TMEM163: variants seen among roughly 807,000 people sequenced by gnomAD.
TMEM163 encodes the protein transmembrane protein 163.
Under a neutral mutation model 29.3 loss-of-function variants are expected in TMEM163, and 17 were observed. That is an observed-to-expected ratio of 0.58 (90% CI 0.40 to 0.87). The LOEUF (loss-of-function observed/expected upper bound fraction) is 0.87. Ranked by LOEUF, TMEM163 falls within the 40% of genes least tolerant of loss-of-function variation. The pLI is 0.00. For synonymous variants in TMEM163, 157 were observed against 160.6 expected (o/e 0.98, Z 0.17); for missense variants, 303 against 381.5 (o/e 0.79, Z 1.71).
At chr2:134,513,065 T>A (rs981553171) in intron 4 of TMEM163, among the ~76,000 whole-genome samples, 1 of 152,220 alleles carries the variant, frequency 6.6e-6, no homozygotes, top group Non-Finnish European at 1.5e-5. Flanking sequence ...TTTCTGATTC[T>A]GAGTTTTGGT....
intron 2 of TMEM163, among the ~76,000 whole-genome samples, chr2:134,598,974 G>C (rs545435132): frequency 2.2e-4 from 31 of 143,666 alleles, no homozygotes; most frequent in Middle Eastern, 3.7e-3. Flanking sequence ...TCTATGGATT[G>C]GATTAAATGC....
At chr2:134,526,608 C>T (rs1375842092) in intron 4 of TMEM163, among the ~76,000 whole-genome samples, 2 of 152,194 alleles carry the variant, frequency 1.3e-5, no homozygotes, top group Non-Finnish European at 2.9e-5. Flanking sequence ...TTATGCTAGA[C>T]AAATCAACTA....
intron 2 of TMEM163, among the ~76,000 whole-genome samples, chr2:134,647,247 G>A (rs896749160): frequency 6.6e-6 from 1 of 152,132 alleles, no homozygotes; most frequent in African/African-American, 2.4e-5. Context: ...ACTACATTTA[G>A]TAAACATTAA....
intron 4 of TMEM163, among the ~76,000 whole-genome samples, chr2:134,520,912 TC>T (rs1222572259): frequency 6.6e-6 from 1 of 152,206 alleles, no homozygotes; most frequent in African/African-American, 2.4e-5. Flanking sequence ...AGTTTCTTCT[TC>T]CATAGTCTTG....
intron 4 of TMEM163, among the ~76,000 whole-genome samples, chr2:134,537,761 G>C (rs1365141958): frequency 6.6e-6 from 1 of 152,186 alleles, no homozygotes; most frequent in Non-Finnish European, 1.5e-5. Context: ...CAATCCATGA[G>C]CCCACAAGCC....
chr2:134,618,520 A>G (rs1378348180), intron 2 of TMEM163, among the ~76,000 whole-genome samples: 2 of 152,190 alleles, frequency 1.3e-5, no homozygotes, highest in African/African-American at 2.4e-5. Context: ...GATATAAAAA[A>G]TTGAATAACA....
At chr2:134,659,271 A>G (rs1375417213) in intron 2 of TMEM163, among the ~76,000 whole-genome samples, 1 of 152,250 alleles carries the variant, frequency 6.6e-6, no homozygotes, top group Admixed American at 6.5e-5. Flanking sequence ...CTATAGGACC[A>G]CTGTCATGTA....
intron 2 of TMEM163, among the ~76,000 whole-genome samples, chr2:134,565,308 G>T (rs1681275643): frequency 6.6e-6 from 1 of 151,588 alleles, no homozygotes; most frequent in Non-Finnish European, 1.5e-5. Flanking sequence ...TATACTCAAT[G>T]GAAATACATA....
intron 2 of TMEM163, among the ~76,000 whole-genome samples, chr2:134,672,606 G>A (rs1174076302): frequency 6.6e-6 from 1 of 151,854 alleles, no homozygotes; most frequent in Non-Finnish European, 1.5e-5. Flanking sequence ...CAGACTCTTG[G>A]ACTAAAGCGA....
chr2:134,718,716 CG>C lies in TMEM163; in HGVS notation c.202+17del, dbSNP rs1368765553. The C allele has an allele frequency of 2.6e-6, 3 of 1,145,486 alleles. No individual in the cohort carries two copies. Among genetic ancestry groups the C allele is most frequent in the South Asian group, 4.0e-5 (1 of 25,126 alleles). 71.0% of individuals were successfully genotyped at this position (1,145,486 alleles called of 1,614,324 possible). ...CAGCCACCCCGGTCGCCGGCCGGGT[CG>C]GGCAGCTCGCGCTCACCTCGGTCCT... On this transcript the variant is annotated intron_variant, in intron 1 of 7. Coordinates refer to ENST00000281924, the MANE Select transcript of TMEM163 (RefSeq NM_030923.5).
chr2:134,544,186 G>A (rs1202589590), intron 4 of TMEM163, among the ~76,000 whole-genome samples: 2 of 152,290 alleles, frequency 1.3e-5, no homozygotes, highest in Middle Eastern at 3.4e-3. Context: ...GATGGTGGCA[G>A]GAGGCTGTTC....
intron 5 of TMEM163, chr2:134,467,462 G>C (rs1056999805): frequency 1.3e-5 from 2 of 152,208 alleles, no homozygotes; most frequent in Admixed American, 1.3e-4. Context: ...GATACGATGT[G>C]ACAAGAAGGG....
At position 134,503,016 on chromosome 2, in the gene TMEM163, T is replaced by A. The variant is rs746506456; in HGVS notation, c.459-19A>T. 1.2e-6 allele frequency: 2 copies of A among 1,602,530 alleles called. No homozygotes were observed. The highest frequency in any genetic ancestry group is 2.7e-5 in the African/African-American group (2 of 74,568). ...ACAGGCTCTGCAAAAAACAAAACAT[T>A]GAGAATCTTAACTGGGAGAACTCAC... On this transcript the variant is annotated intron_variant, in intron 4 of 7. Coordinates refer to ENST00000281924, the MANE Select transcript of TMEM163 (RefSeq NM_030923.5).
At chr2:134,636,412 T>C (rs1215472631) in intron 2 of TMEM163, among the ~76,000 whole-genome samples, 3 of 152,236 alleles carry the variant, frequency 2.0e-5, no homozygotes, top group African/African-American at 7.2e-5. Context: ...ATATAGTATC[T>C]TTCGTTCAAT....
At chr2:134,677,215 G>T (rs892876260) in intron 2 of TMEM163, among the ~76,000 whole-genome samples, 1 of 152,176 alleles carries the variant, frequency 6.6e-6, no homozygotes. Context: ...AGACCCTCAC[G>T]TTGGGACGGA....
chr2:134,593,792 C>A lies in TMEM163; in HGVS notation c.323-41701G>T, dbSNP rs377561102. On this transcript the variant is annotated intron_variant, in intron 2 of 7. Coordinates refer to ENST00000281924, the MANE Select transcript of TMEM163 (RefSeq NM_030923.5). ...TTGATTCATAAAAAATTGAAGACTACGACACTGACTCTGGGAATTTTTTTT... is the reference window on the plus strand; with the variant it reads ...TTGATTCATAAAAAATTGAAGACTAAGACACTGACTCTGGGAATTTTTTTT... 3.3e-5 allele frequency among the ~76,000 whole-genome samples: 5 copies of A among 151,134 alleles called. No homozygotes were observed. In the East Asian group the frequency reaches 7.7e-4, roughly 23 times the overall value.
intron 4 of TMEM163, among the ~76,000 whole-genome samples, chr2:134,517,525 T>C (rs952989436): frequency 6.6e-6 from 1 of 152,210 alleles, no homozygotes; most frequent in African/African-American, 2.4e-5. Flanking sequence ...CCTAAACACA[T>C]ACACAAAATT....
intron 2 of TMEM163, among the ~76,000 whole-genome samples, chr2:134,669,667 A>G (rs772888804): frequency 6.6e-6 from 1 of 152,112 alleles, no homozygotes; most frequent in Non-Finnish European, 1.5e-5. Context: ...AACTTCTTTG[A>G]CCAAGAGAGA....
At chr2:134,707,108 C>G (rs887706512) in intron 2 of TMEM163, among the ~76,000 whole-genome samples, 2 of 152,248 alleles carry the variant, frequency 1.3e-5, no homozygotes, top group African/African-American at 4.8e-5. Flanking sequence ...TTTCAAACTT[C>G]CTGCCCACAT....
Sources: gnomAD v4.1 joint callset for allele counts (sites outside exome capture counted in the v4.1 genomes callset) on GRCh38, gnomAD v4.1.1 for gene constraint, MANE v1.5 for transcripts, NCBI Gene and HGNC (gene_info 2026-07-23, HGNC 2026-07-21) for gene names.